The following ZSWIM5 variants were observed in gnomAD, a reference collection of about 807,000 sequenced individuals.
ZSWIM5 encodes zinc finger SWIM-type containing 5.
In ZSWIM5, 55 loss-of-function variants were observed where a neutral mutation model predicts 119.6. The observed-to-expected ratio is 0.46, with a 90% CI of 0.37 to 0.58. ZSWIM5 has a LOEUF of 0.58. Ranked by LOEUF, ZSWIM5 falls within the 20% of genes least tolerant of loss-of-function variation. The pLI, the probability that ZSWIM5 is intolerant of heterozygous loss-of-function variation, is 0.00. For synonymous variants in ZSWIM5, 537 were observed against 606.9 expected (o/e 0.88, Z 1.69); for missense variants, 1,193 against 1,512.8 (o/e 0.79, Z 3.51).
chr1:45,157,394 C>T (rs61788447), intron 1 of ZSWIM5, among the ~76,000 whole-genome samples: 11,028 of 152,138 alleles, frequency 0.072, 508 homozygotes, highest in Non-Finnish European at 0.1. Context: ...AGGCTGGTTT[C>T]GAACTCCTGG....
chr1:45,112,121 C>T (rs13374976), intron 1 of ZSWIM5, among the ~76,000 whole-genome samples: 3,136 of 152,270 alleles, frequency 0.021, 115 homozygotes, highest in African/African-American at 0.072. Flanking sequence ...ACAAACAAGA[C>T]AGTGAACCTA....
chr1:45,054,901 C>T (rs1645112077), intron 4 of ZSWIM5, among the ~76,000 whole-genome samples: 1 of 152,184 alleles, frequency 6.6e-6, no homozygotes, highest in South Asian at 2.1e-4. Flanking sequence ...TCTCAGCTCA[C>T]TGCAATGTCT....
rs774098134 is a variant in ZSWIM5 at position 45,036,127 on chromosome 1, C to T, written c.2067G>A (p.Glu689=). 9 of 1,614,038 alleles carry T rather than the reference C, an allele frequency of 5.6e-6. No homozygotes were observed. The East Asian group carries it at 2.0e-4, about 36-fold the overall frequency. The change falls in exon 9 of 14, where the codon GAG becomes GAA. Residue 689 remains glutamate, a synonymous_variant. Coordinates refer to ENST00000359600, the MANE Select transcript of ZSWIM5 (RefSeq NM_020883.2). The stretch of plus-strand genomic sequence containing the variant: ...CTTGGAGTTGGCTCAGGAGCTGCTC[C>T]TCATTACGGCATACCTTGTCCTGTG... The part of the protein sequence containing the change: ...LYAQDKVCRN[E]EQLLSQLQEL...
At chr1:45,079,603 G>A (rs1307619007) in intron 2 of ZSWIM5, among the ~76,000 whole-genome samples, 2 of 152,082 alleles carry the variant, frequency 1.3e-5, no homozygotes, top group East Asian at 3.9e-4. Context: ...GTCACTTGGT[G>A]CTCTAGACCC....
chr1:45,168,366 G>A (rs1406520609), intron 1 of ZSWIM5, among the ~76,000 whole-genome samples: 1 of 151,878 alleles, frequency 6.6e-6, no homozygotes, highest in African/African-American at 2.4e-5. Context: ...AACATTAGGA[G>A]ATATACCTAA....
chr1:45,122,884 C>A (rs1411237631), intron 1 of ZSWIM5, among the ~76,000 whole-genome samples: 1 of 152,108 alleles, frequency 6.6e-6, no homozygotes, highest in Non-Finnish European at 1.5e-5. Context: ...TAACAAGGTG[C>A]CCCCTATGTC....
chr1:45,167,747 G>C (rs1033456316), intron 1 of ZSWIM5, among the ~76,000 whole-genome samples: 17 of 152,240 alleles, frequency 1.1e-4, no homozygotes, highest in African/African-American at 4.1e-4. Context: ...CTGGCCATCA[G>C]AGAAATGCAA....
intron 11 of ZSWIM5, among the ~76,000 whole-genome samples, chr1:45,032,103 G>T (rs979918281): frequency 6.6e-6 from 1 of 151,992 alleles, no homozygotes; most frequent in Non-Finnish European, 1.5e-5. Context: ...ATTGAACTGT[G>T]GTTGTCTGAA....
chr1:45,084,096 G>T (rs1278544557), intron 2 of ZSWIM5, among the ~76,000 whole-genome samples: 1 of 152,148 alleles, frequency 6.6e-6, no homozygotes, highest in Non-Finnish European at 1.5e-5. Context: ...TTTTTGTGGA[G>T]ACAGGGTTTT....
intron 1 of ZSWIM5, among the ~76,000 whole-genome samples, chr1:45,150,171 TAAA>T (rs59869691): frequency 1.4e-4 from 13 of 93,380 alleles, no homozygotes; most frequent in Non-Finnish European, 2.6e-4. Flanking sequence ...CTCTATCTCT[TAAA>T]AAAAAAAAAA....
At chr1:45,037,407 G>A (rs1359930558) in intron 8 of ZSWIM5, among the ~76,000 whole-genome samples, 2 of 152,142 alleles carry the variant, frequency 1.3e-5, no homozygotes, top group East Asian at 1.9e-4. Flanking sequence ...CACTGCGCCC[G>A]GCCCATCTCC....
chr1:45,075,226 T>A (rs1645249182), intron 2 of ZSWIM5, among the ~76,000 whole-genome samples: 2 of 151,990 alleles, frequency 1.3e-5, no homozygotes, highest in Non-Finnish European at 2.9e-5. Context: ...TTAGTTGCAT[T>A]TGGTCTATAG....
chr1:45,038,594 C>T (rs568286520), intron 8 of ZSWIM5, among the ~76,000 whole-genome samples: 49 of 16,870 alleles, frequency 2.9e-3, no homozygotes, highest in African/African-American at 6.5e-3. Context: ...AAAGGGCTGA[C>T]GAGGGCAGTC....
intron 1 of ZSWIM5, among the ~76,000 whole-genome samples, chr1:45,121,557 TC>T (rs1645591959): frequency 6.6e-6 from 1 of 152,018 alleles, no homozygotes; most frequent in African/African-American, 2.4e-5. Flanking sequence ...CAAACCTCTT[TC>T]TTTATCCACT....
At chr1:45,187,708 G>A (rs970052737) in intron 1 of ZSWIM5, among the ~76,000 whole-genome samples, 4 of 151,722 alleles carry the variant, frequency 2.6e-5, no homozygotes, top group African/African-American at 4.8e-5. Flanking sequence ...ATCTGATAAC[G>A]GACTAGTATC....
At chr1:45,043,164 G>A (rs990495373) in intron 6 of ZSWIM5, 55 bp downstream of exon 6, 3 of 1,570,494 alleles carry the variant, frequency 1.9e-6, no homozygotes, top group Non-Finnish European at 2.6e-6. Context: ...GGCTCATTTG[G>A]GCCTGGCATG....
At position 45,085,411 on chromosome 1, in the gene ZSWIM5, AT is replaced by A. The variant is rs557294225; in HGVS notation, c.952+2469del. On this transcript the variant is annotated intron_variant, in intron 2 of 13. Coordinates refer to ENST00000359600, the MANE Select transcript of ZSWIM5 (RefSeq NM_020883.2). ...AAGCAAATTTCTGCAGCCAGCTTGT[AT>A]TCCTCCCCTGAAACGGGGAATTGTT... Among the ~76,000 whole-genome samples the A allele has an allele frequency of 1.8e-3, 268 of 152,052 alleles. 1 individual carries two copies. The highest frequency in any genetic ancestry group is 6.1e-3 in the African/African-American group (254 of 41,460).
chr1:45,141,931 T>A (rs1439788217), intron 1 of ZSWIM5, among the ~76,000 whole-genome samples: 3 of 152,194 alleles, frequency 2.0e-5, no homozygotes, highest in Non-Finnish European at 4.4e-5. Context: ...TCTGCATTGT[T>A]TTTTGTGTGT....
In ZSWIM5 at chr1:45,092,538, ACC is replaced by A. The variant is rs761534239; in HGVS notation, c.596-4303_596-4302del. 1.3e-3 allele frequency among the ~76,000 whole-genome samples: 73 copies of A among 57,420 alleles called. No homozygotes were observed. In the East Asian group the frequency reaches 0.015, roughly 12 times the overall value. The allele number at this position is 57,420 out of a possible 152,430, so 37.7% of individuals were successfully genotyped here. On this transcript the variant is annotated intron_variant, in intron 1 of 13. Transcript: ENST00000359600. ...TCTTGAACTTGTGACCTCGTGATCC[ACC>A]CCCCCCCCCCCGCCAGCCTTACAAA...
Sources: allele counts gnomAD v4.1 joint callset (sites outside exome capture counted in the v4.1 genomes callset), GRCh38; gene constraint gnomAD v4.1.1; transcripts MANE v1.5; gene names NCBI Gene and HGNC (gene_info 2026-07-23, HGNC 2026-07-21).